Variants in WDR37 observed in about 807,000 individuals in gnomAD.
The protein encoded by WDR37 is WD repeat-containing protein 37.
In WDR37, 19 loss-of-function variants were observed where a neutral mutation model predicts 62.9. The observed-to-expected ratio is 0.30, with a 90% CI of 0.21 to 0.44. The LOEUF is 0.44. Ranked by LOEUF, WDR37 falls within the 20% of genes least tolerant of loss-of-function variation. The pLI, the probability that WDR37 is intolerant of heterozygous loss-of-function variation, is 1.00. For missense variants in WDR37, 474 were observed against 657.6 expected, an observed-to-expected ratio of 0.72 and a Z score of 3.05; for synonymous variants, 250 against 260.9, an observed-to-expected ratio of 0.96 and a Z score of 0.40.
Position 1,105,061 on chromosome 10 carries a change from T to G in WDR37, c.962-65T>G, listed in dbSNP as rs1322265446. 9 of 1,587,040 alleles carry G rather than the reference T, an allele frequency of 5.7e-6. No homozygotes were observed. In the Admixed American group the frequency reaches 1.5e-4, roughly 27 times the overall value. The stretch of plus-strand genomic sequence containing the variant: ...ACGGCTTCTTGGGTTCTTGTGCTGT[T>G]GAAAAGCGTCTCTCTCAGCGTGCTC... On this transcript the variant is annotated intron_variant, in intron 10 of 13. Coordinates refer to ENST00000263150, the MANE Select transcript of WDR37 (RefSeq NM_014023.4). This position sits in a 1 kb window ranked among gnomAD's most constrained non-coding sequence, Gnocchi z 5.3.
intron 11 of WDR37, among the ~76,000 whole-genome samples, chr10:1,108,470 G>A (rs565938190): frequency 1.2e-4 from 18 of 152,326 alleles, no homozygotes; most frequent in Non-Finnish European, 2.6e-4. Flanking sequence ...TTAAGATGGC[G>A]TCTGCAGGTC....
intron 11 of WDR37, among the ~76,000 whole-genome samples, chr10:1,106,463 T>G (rs964920636): frequency 6.6e-6 from 1 of 152,234 alleles, no homozygotes; most frequent in African/African-American, 2.4e-5. Flanking sequence ...AAGTTTTAGA[T>G]TTAATGTTCA....
chr10:1,112,117 A>ATTTTTTTTT (rs1835236644), intron 11 of WDR37, among the ~76,000 whole-genome samples: 1 of 152,136 alleles, frequency 6.6e-6, no homozygotes, highest in Non-Finnish European at 1.5e-5. Context: ...TTGCAAATGA[A>ATTTTTTTTT]GGTCTGTGGA....
At chr10:1,108,749 C>CCCCAG (rs1466041154) in intron 11 of WDR37, among the ~76,000 whole-genome samples, 2 of 128,042 alleles carry the variant, frequency 1.6e-5, no homozygotes, top group Non-Finnish European at 3.5e-5. Context: ...GCCCCCCCCC[C>CCCCAG]CCGTGGAACC....
chr10:1,090,299 C>T (rs1358004647), intron 7 of WDR37, among the ~76,000 whole-genome samples: 1 of 152,114 alleles, frequency 6.6e-6, no homozygotes. Flanking sequence ...GCTGGGAGTA[C>T]AGGCACATGC....
At chr10:1,111,211 A>T (rs1484150459) in intron 11 of WDR37, among the ~76,000 whole-genome samples, 2 of 152,240 alleles carry the variant, frequency 1.3e-5, no homozygotes, top group African/African-American at 4.8e-5. Context: ...GTAGGAACTA[A>T]GCGTAAATTC....
chr10:1,072,225 T>C lies in WDR37; in HGVS notation c.70T>C (p.Ser24Pro). The C allele has an allele frequency of 6.2e-7, 1 of 1,614,186 alleles. No individual in the cohort carries two copies. Among genetic ancestry groups the C allele is most frequent in the Non-Finnish European group, 8.5e-7 (1 of 1,180,032 alleles). Residue 24 changes from serine (S) to proline (P), a missense_variant, in exon 2 of 14, where the codon TCT becomes CCT. By Grantham distance (74) the Ser-to-Pro change is moderately conservative. Transcript: ENST00000263150. Reference sequence around the variant, plus strand: ...ACAGAAGCGCAAATCCCATAGCCTTTCTATACGAAGAACTAACAGCTCGGA... The same window carrying C: ...ACAGAAGCGCAAATCCCATAGCCTTCCTATACGAAGAACTAACAGCTCGGA... ...TKQKRKSHSL[S>P]IRRTNSSEQE...
At chr10:1,076,830 C>T (rs1833892814) in intron 2 of WDR37, among the ~76,000 whole-genome samples, 2 of 151,516 alleles carry the variant, frequency 1.3e-5, no homozygotes, top group Admixed American at 6.6e-5. Flanking sequence ...ATCATGAGGT[C>T]AGGAGATTGA....
chr10:1,117,454 A>T (rs1359236516), intron 11 of WDR37, among the ~76,000 whole-genome samples: 1 of 152,198 alleles, frequency 6.6e-6, no homozygotes, highest in Admixed American at 6.5e-5. Context: ...AAAGTTCCTC[A>T]TTTAAGAAGG....
chr10:1,125,049 T>C, intron 13 of WDR37, 25 bp downstream of exon 13: 5 of 1,613,620 alleles, frequency 3.1e-6, no homozygotes, highest in Non-Finnish European at 4.2e-6. Flanking sequence ...GGTGAACATA[T>C]GCAGGGCACA....
intron 11 of WDR37, among the ~76,000 whole-genome samples, chr10:1,117,498 A>G (rs61483692): frequency 0.016 from 2,394 of 152,354 alleles, 63 homozygotes; most frequent in African/African-American, 0.054. Context: ...GGACTTAAGG[A>G]AATGATTGCG....
At chr10:1,070,529 A>G (rs1261405787) in intron 1 of WDR37, among the ~76,000 whole-genome samples, 1 of 152,136 alleles carries the variant, frequency 6.6e-6, no homozygotes, top group African/African-American at 2.4e-5. Context: ...CTAAGGTTAA[A>G]TATGTTGATT....
At chr10:1,117,048 T>A (rs936088828) in intron 11 of WDR37, among the ~76,000 whole-genome samples, 4 of 152,168 alleles carry the variant, frequency 2.6e-5, no homozygotes, top group Non-Finnish European at 5.9e-5. Flanking sequence ...TGCATGTTTT[T>A]AAATTTTTAT....
At chr10:1,097,494 C>G (rs543906182) in intron 9 of WDR37, among the ~76,000 whole-genome samples, 1 of 152,308 alleles carries the variant, frequency 6.6e-6, no homozygotes, top group Admixed American at 6.5e-5. Context: ...AAGAATGCCC[C>G]GAAGGTGATT....
chr10:1,075,322 T>G (rs1833843539), intron 2 of WDR37, among the ~76,000 whole-genome samples: 1 of 151,246 alleles, frequency 6.6e-6, no homozygotes, highest in Non-Finnish European at 1.5e-5. Flanking sequence ...GGGGTACATG[T>G]GCACAACGAG....
At chr10:1,075,630 T>C (rs57224118) in intron 2 of WDR37, among the ~76,000 whole-genome samples, 1,800 of 152,118 alleles carry the variant, frequency 0.012, 22 homozygotes, top group African/African-American at 0.031. Context: ...AGATTGGCCT[T>C]GTGTAGGAGT....
chr10:1,096,343 C>A, intron 9 of WDR37, 97 bp downstream of exon 9: 1 of 1,389,526 alleles, frequency 7.2e-7, no homozygotes, highest in Non-Finnish European at 1.0e-6. Context: ...ATGTTTGTGT[C>A]CCCCCAAGTT....
chr10:1,109,072 T>A (rs1835125874), intron 11 of WDR37, among the ~76,000 whole-genome samples: 1 of 152,116 alleles, frequency 6.6e-6, no homozygotes, highest in Non-Finnish European at 1.5e-5. Context: ...AGTTGCTGGT[T>A]TGTGCCAGGC....
intron 11 of WDR37, among the ~76,000 whole-genome samples, chr10:1,113,219 A>G (rs1185032690): frequency 1.3e-5 from 2 of 152,240 alleles, no homozygotes; most frequent in East Asian, 3.9e-4. Flanking sequence ...ATGGATCACC[A>G]AAGGCTGGAT....
Sources: gnomAD v4.1 joint callset for allele counts (sites outside exome capture counted in the v4.1 genomes callset) on GRCh38, gnomAD v4.1.1 for gene constraint, Gnocchi (gnomAD v3.1) non-coding constraint, MANE v1.5 for transcripts, NCBI Gene and HGNC (gene_info 2026-07-23, HGNC 2026-07-21) for gene names.